FCHSD2: variants seen among roughly 807,000 people sequenced by gnomAD.
FCHSD2 encodes F-BAR and double SH3 domains protein 2.
Under a neutral mutation model 108.1 loss-of-function variants are expected in FCHSD2, and 38 were observed. The ratio of observed to expected loss-of-function variants is 0.35; its 90% confidence interval spans 0.27 to 0.46. The LOEUF is 0.46. Ranked by LOEUF, FCHSD2 falls within the 20% of genes least tolerant of loss-of-function variation. FCHSD2 has a pLI of 1.00. For missense variants in FCHSD2, 751 were observed against 897.8 expected, an observed-to-expected ratio of 0.84 and a Z score of 2.09; for synonymous variants, 279 against 314.7, an observed-to-expected ratio of 0.89 and a Z score of 1.20.
chr11:73,060,900 G>A (rs1312156528), intron 3 of FCHSD2, among the ~76,000 whole-genome samples: 1 of 152,196 alleles, frequency 6.6e-6, no homozygotes, highest in Non-Finnish European at 1.5e-5. Context: ...AGGCACTATA[G>A]TGAGATTCCC....
intron 14 of FCHSD2, among the ~76,000 whole-genome samples, chr11:72,845,476 C>CA (rs1861107620): frequency 1.5e-5 from 2 of 134,672 alleles, no homozygotes; most frequent in Admixed American, 1.5e-4. Context: ...AACAAACAAA[C>CA]AAAAACCATG....
chr11:73,085,190 A>G (rs1859786759), intron 2 of FCHSD2, among the ~76,000 whole-genome samples: 1 of 152,224 alleles, frequency 6.6e-6, no homozygotes, highest in Admixed American at 6.5e-5. Context: ...AGAGTGCTTC[A>G]AATGGCCAAT....
intron 3 of FCHSD2, among the ~76,000 whole-genome samples, chr11:73,053,283 T>C (rs1374005859): frequency 6.6e-6 from 1 of 151,902 alleles, no homozygotes; most frequent in African/African-American, 2.4e-5. Context: ...CAAAAGAAGA[T>C]TCATACAAAA....
At chr11:72,999,355 T>C (rs1010572009) in intron 5 of FCHSD2, among the ~76,000 whole-genome samples, 1 of 147,798 alleles carries the variant, frequency 6.8e-6, no homozygotes, top group African/African-American at 2.5e-5. Context: ...AGTCTCACTC[T>C]GTCACCCAGG....
At chr11:72,995,473 G>A (rs1024690609) in intron 5 of FCHSD2, among the ~76,000 whole-genome samples, 13 of 151,822 alleles carry the variant, frequency 8.6e-5, no homozygotes, top group African/African-American at 2.7e-4. Context: ...AGGCTGAGGC[G>A]GCCAGATATC....
intron 11 of FCHSD2, 81 bp from the exon 12 acceptor site, chr11:72,887,655 C>T: frequency 1.1e-6 from 1 of 916,378 alleles, no homozygotes; most frequent in Non-Finnish European, 1.6e-6. Context: ...TTACATAATT[C>T]AAAGGGCTTT....
chr11:72,949,399 G>A (rs191233090), intron 8 of FCHSD2, among the ~76,000 whole-genome samples: 33 of 152,010 alleles, frequency 2.2e-4, no homozygotes, highest in Admixed American at 5.9e-4. Flanking sequence ...ACAGTGAGCC[G>A]AGATCATGCC....
At chr11:72,958,592 C>A (rs1428482263) in intron 8 of FCHSD2, among the ~76,000 whole-genome samples, 2 of 152,100 alleles carry the variant, frequency 1.3e-5, no homozygotes, top group Non-Finnish European at 2.9e-5. Flanking sequence ...GGAACAAAAT[C>A]TAATAAGTGA....
intron 8 of FCHSD2, among the ~76,000 whole-genome samples, chr11:72,951,456 T>TATA (rs1248638766): frequency 6.6e-6 from 1 of 152,214 alleles, no homozygotes; most frequent in African/African-American, 2.4e-5. Flanking sequence ...GGCACTGACT[T>TATA]ATACGTAAAG....
chr11:73,141,396 C>T (rs1487112348), intron 1 of FCHSD2: 1 of 166,562 alleles, frequency 6.0e-6, no homozygotes, highest in Non-Finnish European at 1.3e-5. Context: ...AACCCTAAGG[C>T]TAGGCTAGAA....
chr11:72,943,922 A>T (rs1163397326), intron 8 of FCHSD2, among the ~76,000 whole-genome samples: 1 of 152,206 alleles, frequency 6.6e-6, no homozygotes, highest in African/African-American at 2.4e-5. Context: ...CTCAGACTTT[A>T]ATCATTATTC....
At chr11:72,958,183 G>C (rs1348161848) in intron 8 of FCHSD2, among the ~76,000 whole-genome samples, 1 of 152,148 alleles carries the variant, frequency 6.6e-6, no homozygotes, top group East Asian at 1.9e-4. Context: ...TTTAAATCAA[G>C]TCAGAGGAAA....
intron 4 of FCHSD2, among the ~76,000 whole-genome samples, chr11:73,004,160 T>G (rs1185751857): frequency 6.7e-6 from 1 of 150,264 alleles, no homozygotes. Context: ...ATACGGTACT[T>G]TGCCATTCTA....
Position 73,024,831 on chromosome 11 carries a change from G to C in FCHSD2, c.166-8946C>G, listed in dbSNP as rs1392090899. Among the ~76,000 whole-genome samples, 3 of 151,894 alleles carry C rather than the reference G, an allele frequency of 2.0e-5. 1 individual carries two copies. The highest frequency in any genetic ancestry group is 2.0e-4 in the Admixed American group (3 of 15,248). ...CAATCCCATTAAGAAATGGGCAAAG[G>C]ACATGAACAGACGCTTTTCAAAAAC... is the stretch of plus-strand genomic sequence containing the variant. On this transcript the variant is annotated intron_variant, in intron 3 of 19. Coordinates refer to ENST00000409418, the MANE Select transcript of FCHSD2 (RefSeq NM_014824.3).
chr11:73,126,146 G>A (rs1426391277), intron 2 of FCHSD2, among the ~76,000 whole-genome samples: 4 of 151,278 alleles, frequency 2.6e-5, no homozygotes, highest in Non-Finnish European at 4.4e-5. Context: ...TCGAGACCAG[G>A]CTGGCCAACA....
At chr11:73,049,243 C>A (rs2135473256) in intron 3 of FCHSD2, among the ~76,000 whole-genome samples, 1 of 151,974 alleles carries the variant, frequency 6.6e-6, no homozygotes, top group South Asian at 2.1e-4. Context: ...GTTGAGTGCC[C>A]AGTATATATG....
chr11:72,933,118 C>T (rs1445058101), intron 8 of FCHSD2, among the ~76,000 whole-genome samples: 1 of 152,140 alleles, frequency 6.6e-6, no homozygotes, highest in Non-Finnish European at 1.5e-5. Context: ...ATCCTGCTGT[C>T]CTGATCTCAG....
intron 2 of FCHSD2, among the ~76,000 whole-genome samples, chr11:73,133,792 CAAAAAAAA>C (rs56104779): frequency 4.6e-5 from 3 of 65,870 alleles, no homozygotes; most frequent in Admixed American, 1.7e-4. Flanking sequence ...AACTCCGTCT[CAAAAAAAA>C]AAAAAAAAAA....
At chr11:72,924,760 C>T (rs1856044228) in intron 8 of FCHSD2, among the ~76,000 whole-genome samples, 1 of 151,468 alleles carries the variant, frequency 6.6e-6, no homozygotes, top group South Asian at 2.1e-4. Flanking sequence ...AGTGCTTACA[C>T]CACTAGATGA....
Sources: gnomAD v4.1 joint callset for allele counts (sites outside exome capture counted in the v4.1 genomes callset) on GRCh38, gnomAD v4.1.1 for gene constraint, MANE v1.5 for transcripts, NCBI Gene and HGNC (gene_info 2026-07-23, HGNC 2026-07-21) for gene names.